Variants in ARL5A observed in about 807,000 individuals in gnomAD.
The protein encoded by ARL5A is ADP-ribosylation factor-like protein 5A.
ARL5A carries 18 observed loss-of-function variants against 25.9 expected under a neutral mutation model. That is an observed-to-expected ratio of 0.69 (90% CI 0.48 to 1.03). ARL5A has a LOEUF of 1.03. Ranked by LOEUF, ARL5A falls within the 50% of genes least tolerant of loss-of-function variation. ARL5A has a pLI of 0.00. For missense variants in ARL5A, 170 were observed against 211.9 expected, an observed-to-expected ratio of 0.80 and a Z score of 1.23; for synonymous variants, 61 against 67.5, an observed-to-expected ratio of 0.90 and a Z score of 0.47.
chr2:151,824,478 C>CTAATAATAATAATAATAATAATAATAA (rs61097162), intron 1 of ARL5A, among the ~76,000 whole-genome samples: 7 of 150,364 alleles, frequency 4.7e-5, no homozygotes, highest in Non-Finnish European at 8.9e-5. Context: ...TTTAAACTCC[C>CTAATAATAATAATAATAATAATAATAA]TAATAATAAT....
At chr2:151,809,276 A>G (rs929451015) in intron 4 of ARL5A, among the ~76,000 whole-genome samples, 1 of 152,190 alleles carries the variant, frequency 6.6e-6, no homozygotes, top group Non-Finnish European at 1.5e-5. Flanking sequence ...TTATATTATT[A>G]TAAGTAATCT....
chr2:151,817,354 T>C (rs1479810285), intron 1 of ARL5A, among the ~76,000 whole-genome samples: 1 of 152,250 alleles, frequency 6.6e-6, no homozygotes, highest in Non-Finnish European at 1.5e-5. Flanking sequence ...TTTACATTTC[T>C]AGTGACTACA....
intron 1 of ARL5A, 164 bp downstream of exon 1, chr2:151,827,967 G>A (rs945475776): frequency 3.5e-5 from 23 of 650,206 alleles, no homozygotes; most frequent in Non-Finnish European, 5.3e-5. Flanking sequence ...AAGCTCGGGA[G>A]CCGGGACCGA....
In ARL5A at chr2:151,812,453, C is replaced by CA. The variant is rs777801328; in HGVS notation, c.256-14dup. ...CAACTATTACAAACTAAAATAATTACAAAAAAATTATTAGTGATTATACAA... is the reference window on the plus strand; with the variant it reads ...CAACTATTACAAACTAAAATAATTACAAAAAAAATTATTAGTGATTATACAA... On this transcript the variant is annotated splice_polypyrimidine_tract_variant and intron_variant, in intron 3 of 5. Coordinates refer to ENST00000295087, the MANE Select transcript of ARL5A (RefSeq NM_012097.4). 2.6e-6 allele frequency: 4 copies of CA among 1,517,568 alleles called. No homozygotes were observed. Among genetic ancestry groups the CA allele is most frequent in the Admixed American group, 4.2e-5 (2 of 47,096 alleles). 94.0% of individuals were successfully genotyped at this position (1,517,568 alleles called of 1,614,324 possible). A position where few individuals can be genotyped will look rare whatever the true frequency, so the allele number is the denominator to read the frequency against.
At chr2:151,813,026 G>T (rs1048983111) in intron 3 of ARL5A, among the ~76,000 whole-genome samples, 4 of 152,140 alleles carry the variant, frequency 2.6e-5, no homozygotes, top group Non-Finnish European at 4.4e-5. Flanking sequence ...TGAAAGACTT[G>T]TGATTGTTGT....
At chr2:151,807,499 A>G (rs2099830248) in intron 4 of ARL5A, among the ~76,000 whole-genome samples, 2 of 152,150 alleles carry the variant, frequency 1.3e-5, no homozygotes, top group Non-Finnish European at 2.9e-5. Context: ...GGATTCCACA[A>G]GAGAATTAAG....
At chr2:151,827,131 C>T (rs1478470294) in intron 1 of ARL5A, among the ~76,000 whole-genome samples, 1 of 152,294 alleles carries the variant, frequency 6.6e-6, no homozygotes, top group East Asian at 1.9e-4. Flanking sequence ...AACAGAAAAA[C>T]ACAAACTAAG....
chr2:151,805,599 T>C (rs1027481092), intron 5 of ARL5A, among the ~76,000 whole-genome samples: 1 of 152,192 alleles, frequency 6.6e-6, no homozygotes, highest in African/African-American at 2.4e-5. Flanking sequence ...CTAGATGGTA[T>C]AGCCTAGTAT....
At chr2:151,826,735 T>A (rs1302258058) in intron 1 of ARL5A, among the ~76,000 whole-genome samples, 1 of 152,248 alleles carries the variant, frequency 6.6e-6, no homozygotes, top group Non-Finnish European at 1.5e-5. Flanking sequence ...TCCCTGGTGT[T>A]CTAGGTGAGA....
intron 4 of ARL5A, among the ~76,000 whole-genome samples, chr2:151,807,758 T>C (rs1210264486): frequency 6.6e-6 from 1 of 152,182 alleles, no homozygotes; most frequent in Non-Finnish European, 1.5e-5. Context: ...ACTTATCAAG[T>C]TTCCCCAATT....
chr2:151,825,836 AC>A (rs1195973791), intron 1 of ARL5A, among the ~76,000 whole-genome samples: 3 of 151,884 alleles, frequency 2.0e-5, no homozygotes, highest in African/African-American at 4.8e-5. Context: ...AAAAAAAAAA[AC>A]AACCCTGCTG....
chr2:151,826,021 C>T (rs2099833008), intron 1 of ARL5A, among the ~76,000 whole-genome samples: 1 of 152,082 alleles, frequency 6.6e-6, no homozygotes, highest in African/African-American at 2.4e-5. Flanking sequence ...ACTCGGGAGG[C>T]TGAGGCAGGA....
chr2:151,817,568 TA>T (rs1361320612), intron 1 of ARL5A, among the ~76,000 whole-genome samples: 1 of 152,228 alleles, frequency 6.6e-6, no homozygotes, highest in African/African-American at 2.4e-5. Flanking sequence ...GAAGATCAAG[TA>T]AATAAAACAT....
rs200379335 is a variant in ARL5A at position 151,803,265 on chromosome 2, G to T, written c.*11C>A. 54 of 1,606,420 alleles carry T rather than the reference G, an allele frequency of 3.4e-5. No individual in the cohort carries two copies. The highest frequency in any genetic ancestry group is 3.8e-5 in the Non-Finnish European group (45 of 1,173,320). On this transcript the variant is annotated 3_prime_UTR_variant, in exon 6 of 6. Transcript: ENST00000295087. ...ATTTATACAAAATCTATGAGAAGAG[G>T]TCAGTAGAGATCATCTAATCTTAAG...
intron 1 of ARL5A, among the ~76,000 whole-genome samples, chr2:151,827,134 AAACT>A (rs1248289089): frequency 2.0e-5 from 3 of 152,358 alleles, no homozygotes; most frequent in African/African-American, 7.2e-5. Flanking sequence ...AGAAAAACAC[AAACT>A]AAGTTCCTGA....
chr2:151,814,075 G>A, intron 3 of ARL5A, 94 bp downstream of exon 3: 1 of 1,171,370 alleles, frequency 8.5e-7, no homozygotes, highest in South Asian at 1.7e-5. Context: ...TTAACATACT[G>A]TGATATTTCA....
chr2:151,811,109 T>A (rs2099830782), intron 4 of ARL5A, among the ~76,000 whole-genome samples: 3 of 152,088 alleles, frequency 2.0e-5, no homozygotes, highest in African/African-American at 2.4e-5. Flanking sequence ...GAGTCCAAAA[T>A]AGGAAAAGGT....
Position 151,803,296 on chromosome 2 carries a change from A to G in ARL5A, c.520T>C (p.Ser174Pro). The change falls in exon 6 of 6, where the codon TCA becomes CCA. Residue 174 changes from serine (S) to proline (P), a missense_variant. Transcript: ENST00000295087. ...AGAGATCATCTAATCTTAAGTCGTGACATCATCCATTCAAGTCCTTGGCAC... is the reference window on the plus strand; with the variant it reads ...AGAGATCATCTAATCTTAAGTCGTGGCATCATCCATTCAAGTCCTTGGCAC... Reference protein sequence around the residue: ...GLCQGLEWMMSRLKIR With the variant: ...GLCQGLEWMMPRLKIR 6.2e-7 allele frequency: 1 copy of G among 1,613,050 alleles called. No homozygotes were observed. The highest frequency in any genetic ancestry group is 1.1e-5 in the South Asian group (1 of 91,064).
Position 151,806,765 on chromosome 2 carries a change from T to C in ARL5A, c.491+56A>G, listed in dbSNP as rs577537921. The C allele has an allele frequency of 1.4e-4, 214 of 1,530,474 alleles. No individual in the cohort carries two copies. In the African/African-American group the frequency reaches 2.5e-3, roughly 18 times the overall value. The allele number at this position is 1,530,474 out of a possible 1,614,324, so 94.8% of individuals were successfully genotyped here. ...AATATTTAGGAGTTTAAAGAAGATATACATGTTACTAAGCAAAATAAATGT... is the reference window on the plus strand; with the variant it reads ...AATATTTAGGAGTTTAAAGAAGATACACATGTTACTAAGCAAAATAAATGT... On this transcript the variant is annotated intron_variant, in intron 5 of 5. Coordinates refer to ENST00000295087, the MANE Select transcript of ARL5A (RefSeq NM_012097.4).
Sources: gnomAD v4.1 joint callset for allele counts (sites outside exome capture counted in the v4.1 genomes callset) on GRCh38, gnomAD v4.1.1 for gene constraint, MANE v1.5 for transcripts, NCBI Gene and HGNC (gene_info 2026-07-23, HGNC 2026-07-21) for gene names.